Variants in CRPPA observed in about 807,000 individuals in gnomAD.
The protein encoded by CRPPA is CDP-L-ribitol pyrophosphorylase A, also known as D-ribitol-5-phosphate cytidylyltransferase.
Under a neutral mutation model 52.0 loss-of-function variants are expected in CRPPA, and 43 were observed. That is an observed-to-expected ratio of 0.83 (90% CI 0.65 to 1.07). The LOEUF (loss-of-function observed/expected upper bound fraction) is 1.07, where lower values mean the gene tolerates loss of function less well. Among genes scored for constraint, CRPPA ranks in the 50% least tolerant of loss-of-function variants. The probability of loss-of-function intolerance (pLI) is 0.00; values close to 1 mark genes in which losing one functional copy is unlikely to be tolerated. For missense variants in CRPPA, 629 were observed against 551.7 expected (o/e 1.14, Z -1.40); for synonymous variants, 250 against 203.5 (o/e 1.23, Z -1.94).
chr7:16,273,758 G>T (rs1056905689), intron 6 of CRPPA, among the ~76,000 whole-genome samples: 35 of 152,316 alleles, frequency 2.3e-4, no homozygotes, highest in East Asian at 1.9e-4. Context: ...AAAGGTAAAA[G>T]AGCACAATGT....
intron 9 of CRPPA, among the ~76,000 whole-genome samples, chr7:16,194,848 G>GTT (rs11393399): frequency 0.014 from 2,027 of 147,428 alleles, 38 homozygotes; most frequent in African/African-American, 0.045. Flanking sequence ...TGGTCTTTTG[G>GTT]TTTTTTTTTT....
At chr7:16,261,319 C>G (rs1489072380) in intron 6 of CRPPA, among the ~76,000 whole-genome samples, 1 of 152,072 alleles carries the variant, frequency 6.6e-6, no homozygotes, top group Non-Finnish European at 1.5e-5. Context: ...AATGACAACT[C>G]ACTTCTTTTT....
At chr7:16,177,952 C>T (rs1185002870) in intron 9 of CRPPA, among the ~76,000 whole-genome samples, 1 of 151,912 alleles carries the variant, frequency 6.6e-6, no homozygotes, top group Non-Finnish European at 1.5e-5. Context: ...TTTCTGTACA[C>T]CCTCTGTACC....
chr7:16,158,953 T>A (rs1397357850), intron 9 of CRPPA, among the ~76,000 whole-genome samples: 1 of 152,224 alleles, frequency 6.6e-6, no homozygotes, highest in Non-Finnish European at 1.5e-5. Context: ...TTTTATTTGT[T>A]TTTTAGCTAT....
chr7:16,408,448 T>C (rs149417573), intron 1 of CRPPA, among the ~76,000 whole-genome samples: 9 of 152,216 alleles, frequency 5.9e-5, no homozygotes, highest in East Asian at 3.9e-4. Flanking sequence ...GAGCTGGAGT[T>C]CCCCGAGCAA....
chr7:16,359,007 A>G (rs993793185), intron 3 of CRPPA, among the ~76,000 whole-genome samples: 1 of 152,240 alleles, frequency 6.6e-6, no homozygotes, highest in Admixed American at 6.5e-5. Context: ...AAGGGCATGT[A>G]ATTTTGTAGT....
chr7:16,380,964 G>T (rs2128313060), intron 2 of CRPPA, among the ~76,000 whole-genome samples: 2 of 151,626 alleles, frequency 1.3e-5, no homozygotes, highest in Non-Finnish European at 2.9e-5. Flanking sequence ...TTAATTTTTT[G>T]AAGGGTTTTT....
intron 9 of CRPPA, among the ~76,000 whole-genome samples, chr7:16,177,150 G>A (rs1781319025): frequency 6.6e-6 from 1 of 152,008 alleles, no homozygotes; most frequent in African/African-American, 2.4e-5. Context: ...CTTTAGGGGT[G>A]GGGAGAAAGT....
At chr7:16,392,136 G>T (rs542800845) in intron 2 of CRPPA, among the ~76,000 whole-genome samples, 10 of 152,130 alleles carry the variant, frequency 6.6e-5, no homozygotes, top group African/African-American at 2.2e-4. Context: ...TTTTAACCAG[G>T]TATTTTATTT....
At chr7:16,272,876 A>G (rs1784119681) in intron 6 of CRPPA, among the ~76,000 whole-genome samples, 1 of 152,298 alleles carries the variant, frequency 6.6e-6, no homozygotes, top group South Asian at 2.1e-4. Flanking sequence ...CATTTGTAAA[A>G]TAAAGGGGGA....
chr7:16,372,519 AC>A (rs1471952155), intron 3 of CRPPA, among the ~76,000 whole-genome samples: 4 of 152,156 alleles, frequency 2.6e-5, no homozygotes, highest in Admixed American at 6.5e-5. Context: ...CCACTACCAA[AC>A]CAGCACTACA....
chr7:16,363,243 C>A (rs1277858294), intron 3 of CRPPA, among the ~76,000 whole-genome samples: 1 of 151,952 alleles, frequency 6.6e-6, no homozygotes, highest in African/African-American at 2.4e-5. Flanking sequence ...CCAAAAAGAG[C>A]AAACAAAAAA....
intron 2 of CRPPA, among the ~76,000 whole-genome samples, chr7:16,398,913 C>T (rs905843955): frequency 1.3e-5 from 2 of 152,198 alleles, no homozygotes; most frequent in Non-Finnish European, 2.9e-5. Context: ...AAGTGACTGA[C>T]ACATGATCGA....
intron 8 of CRPPA, among the ~76,000 whole-genome samples, chr7:16,247,426 G>A (rs893961587): frequency 2.6e-5 from 4 of 152,104 alleles, no homozygotes; most frequent in Non-Finnish European, 5.9e-5. Context: ...GAGAGATGAG[G>A]AAAACAGTCA....
chr7:16,230,201 T>C (rs1199620667), intron 8 of CRPPA, among the ~76,000 whole-genome samples: 1 of 152,184 alleles, frequency 6.6e-6, no homozygotes, highest in Non-Finnish European at 1.5e-5. Flanking sequence ...TTAAAAACAA[T>C]TGTTACTATT....
intron 9 of CRPPA, among the ~76,000 whole-genome samples, chr7:16,170,585 G>A (rs1261391934): frequency 6.6e-6 from 1 of 152,230 alleles, no homozygotes; most frequent in Non-Finnish European, 1.5e-5. Context: ...TTCACAGTGT[G>A]GAAGAGAACC....
At chr7:16,309,807 C>G (rs2128424986) in intron 3 of CRPPA, among the ~76,000 whole-genome samples, 1 of 152,282 alleles carries the variant, frequency 6.6e-6, no homozygotes, top group East Asian at 1.9e-4. Context: ...TATAAAACCT[C>G]TGGGACCCAC....
At chr7:16,399,126 C>A (rs1320246666) in intron 2 of CRPPA, among the ~76,000 whole-genome samples, 1 of 152,174 alleles carries the variant, frequency 6.6e-6, no homozygotes, top group Non-Finnish European at 1.5e-5. Context: ...CAGCACGTGA[C>A]ATTTCACCAA....
At chr7:16,163,648 T>C (rs1780973476) in intron 9 of CRPPA, among the ~76,000 whole-genome samples, 1 of 152,238 alleles carries the variant, frequency 6.6e-6, no homozygotes, top group Non-Finnish European at 1.5e-5. Flanking sequence ...GTGCAGTGGC[T>C]GGTACCAGTT....
Sources: gnomAD v4.1 joint callset for allele counts (sites outside exome capture counted in the v4.1 genomes callset) on GRCh38, gnomAD v4.1.1 for gene constraint, MANE v1.5 for transcripts, NCBI Gene and HGNC (gene_info 2026-07-23, HGNC 2026-07-21) for gene names.